The following RAPGEF2 variants were observed in gnomAD, a reference collection of about 807,000 sequenced individuals.
RAPGEF2 encodes the protein PDZ domain containing guanine nucleotide exchange factor (GEF) 1.
In RAPGEF2, 54 loss-of-function variants were observed where a neutral mutation model predicts 186.7. That is an observed-to-expected ratio of 0.29 (90% CI 0.23 to 0.36). The LOEUF (loss-of-function observed/expected upper bound fraction) is 0.36, where lower values mean the gene tolerates loss of function less well. Among genes scored for constraint, RAPGEF2 ranks in the 10% least tolerant of loss-of-function variants. The pLI is 1.00. For synonymous variants in RAPGEF2, 712 were observed against 705.9 expected (o/e 1.01, Z -0.14); for missense variants, 1,532 against 2,045.0 (o/e 0.75, Z 4.84).
intron 3 of RAPGEF2, among the ~76,000 whole-genome samples, chr4:159,198,118 C>T (rs2111330578): frequency 6.6e-6 from 1 of 152,124 alleles, no homozygotes; most frequent in East Asian, 1.9e-4. Context: ...CTTTACATCA[C>T]AGTAAATTGT....
chr4:159,344,209 CTTCAAG>C, intron 23 of RAPGEF2, 150 bp downstream of exon 23: 1 of 761,048 alleles, frequency 1.3e-6, no homozygotes, highest in Non-Finnish European at 2.2e-6. Context: ...GGCAAATTGA[CTTCAAG>C]TTTAATCTGT....
chr4:159,240,582 C>T (rs1753859860), intron 5 of RAPGEF2, among the ~76,000 whole-genome samples: 1 of 151,950 alleles, frequency 6.6e-6, no homozygotes, highest in Non-Finnish European at 1.5e-5. Context: ...ATCCACCCGC[C>T]TCGGCCTCCC....
chr4:159,252,565 G>A (rs973274050), intron 7 of RAPGEF2, among the ~76,000 whole-genome samples: 4 of 152,222 alleles, frequency 2.6e-5, no homozygotes, highest in African/African-American at 9.6e-5. Flanking sequence ...TGACGGCTCA[G>A]TTTAAAAATT....
In RAPGEF2 at chr4:159,334,242, G is replaced by A. The variant is rs564089477; in HGVS notation, c.2135+1545G>A. On this transcript the variant is annotated intron_variant, in intron 17 of 29. Transcript: ENST00000691494. ...TGAAAAAATAAATTACCTAAATGCAGATTTTTTAAATTAATTTATTTTTTT... is the reference window on the plus strand; with the variant it reads ...TGAAAAAATAAATTACCTAAATGCAAATTTTTTAAATTAATTTATTTTTTT... 3.3e-5 allele frequency among the ~76,000 whole-genome samples: 5 copies of A among 152,262 alleles called. No homozygotes were observed. In the South Asian group the frequency reaches 1.0e-3, roughly 32 times the overall value.
intron 4 of RAPGEF2, among the ~76,000 whole-genome samples, chr4:159,238,475 A>G (rs1278368646): frequency 6.6e-6 from 1 of 152,198 alleles, no homozygotes; most frequent in African/African-American, 2.4e-5. Context: ...GACATTTCCC[A>G]TCCCTACTGG....
At chr4:159,136,278 G>A (rs1217448208) in intron 1 of RAPGEF2, among the ~76,000 whole-genome samples, 2 of 152,180 alleles carry the variant, frequency 1.3e-5, no homozygotes, top group Non-Finnish European at 2.9e-5. Flanking sequence ...TAGTAGCAGA[G>A]TCATTATTCG....
rs771785670 is a variant in RAPGEF2 at position 159,241,332 on chromosome 4, C to T, written c.489C>T (p.Pro163=). ...TTATTGACACTGTGGATCCTTATCCCATGGGCAAACCTCCTTTGCCTAGAG... is the reference window on the plus strand; with the variant it reads ...TTATTGACACTGTGGATCCTTATCCTATGGGCAAACCTCCTTTGCCTAGAG... ...QTIIDTVDPY[P]MGKPPLPRGY... The change falls in exon 6 of 30, where the codon CCC becomes CCT. Residue 163 remains proline, a synonymous_variant. Transcript: ENST00000691494. The T allele has an allele frequency of 2.3e-5, 35 of 1,521,068 alleles. No individual in the cohort carries two copies. Among genetic ancestry groups the T allele is most frequent in the Middle Eastern group, 1.7e-4 (1 of 5,960 alleles). The allele number at this position is 1,521,068 out of a possible 1,614,324, so 94.2% of individuals were successfully genotyped here. A position where few individuals can be genotyped will look rare whatever the true frequency, so the allele number is the denominator to read the frequency against.
At chr4:159,292,349 A>G (rs984524781) in intron 7 of RAPGEF2, among the ~76,000 whole-genome samples, 1 of 152,116 alleles carries the variant, frequency 6.6e-6, no homozygotes, top group Non-Finnish European at 1.5e-5. Context: ...TGCTACTCCC[A>G]TGTGCTTCTG....
chr4:159,143,189 C>T (rs1742536770), intron 1 of RAPGEF2, among the ~76,000 whole-genome samples: 1 of 151,940 alleles, frequency 6.6e-6, no homozygotes, highest in Non-Finnish European at 1.5e-5. Context: ...ATGATCGCTC[C>T]TCTGCATAGC....
intron 1 of RAPGEF2, among the ~76,000 whole-genome samples, chr4:159,127,394 C>T (rs572092817): frequency 6.6e-6 from 1 of 152,100 alleles, no homozygotes; most frequent in Non-Finnish European, 1.5e-5. Context: ...TTATCAGTAC[C>T]CCACAAAAAA....
intron 1 of RAPGEF2, among the ~76,000 whole-genome samples, chr4:159,106,224 A>C (rs1411428951): frequency 6.6e-6 from 1 of 152,234 alleles, no homozygotes; most frequent in East Asian, 1.9e-4. Context: ...AAACATAAGG[A>C]AACCTACCAA....
At chr4:159,268,824 T>C (rs1332118227) in intron 7 of RAPGEF2, among the ~76,000 whole-genome samples, 1 of 152,156 alleles carries the variant, frequency 6.6e-6, no homozygotes, top group Non-Finnish European at 1.5e-5. Flanking sequence ...GAGAAAGACT[T>C]TTCTATGCCT....
At chr4:159,144,154 A>G (rs1243936888) in intron 1 of RAPGEF2, among the ~76,000 whole-genome samples, 1 of 151,648 alleles carries the variant, frequency 6.6e-6, no homozygotes, top group East Asian at 1.9e-4. Context: ...CCATGTTTTT[A>G]ATTCCTTTAC....
At chr4:159,113,538 C>G (rs1018509955) in intron 1 of RAPGEF2, among the ~76,000 whole-genome samples, 2 of 151,832 alleles carry the variant, frequency 1.3e-5, no homozygotes, top group Admixed American at 1.3e-4. Context: ...GTCGGGAATT[C>G]GAGTTGAGCC....
chr4:159,215,161 TTTG>T (rs546944739), intron 4 of RAPGEF2, among the ~76,000 whole-genome samples: 377 of 146,868 alleles, frequency 2.6e-3, no homozygotes, highest in African/African-American at 8.4e-3. Context: ...CTGCCAGTTT[TTTG>T]TTGTTGTTGT....
intron 4 of RAPGEF2, among the ~76,000 whole-genome samples, chr4:159,229,725 T>C (rs1752416299): frequency 6.6e-6 from 1 of 152,254 alleles, no homozygotes; most frequent in Non-Finnish European, 1.5e-5. Flanking sequence ...TTCTTAATTT[T>C]TAAATTGTTT....
intron 7 of RAPGEF2, among the ~76,000 whole-genome samples, chr4:159,250,800 G>A (rs1246452859): frequency 6.6e-6 from 1 of 151,234 alleles, no homozygotes; most frequent in African/African-American, 2.4e-5. Flanking sequence ...TCGGCGCCTC[G>A]GCCTCGGCAT....
intron 7 of RAPGEF2, among the ~76,000 whole-genome samples, chr4:159,254,578 A>C (rs1755902980): frequency 6.6e-6 from 1 of 150,498 alleles, no homozygotes; most frequent in African/African-American, 2.5e-5. Flanking sequence ...CAAGTCCAAA[A>C]TCTGTACCTA....
chr4:159,306,257 A>G (rs945224856), intron 8 of RAPGEF2, among the ~76,000 whole-genome samples: 8 of 152,106 alleles, frequency 5.3e-5, no homozygotes, highest in African/African-American at 1.7e-4. Flanking sequence ...CTTTCAATCC[A>G]TGAGCATGGG....
Sources: gnomAD v4.1 joint callset for allele counts (sites outside exome capture counted in the v4.1 genomes callset) on GRCh38, gnomAD v4.1.1 for gene constraint, MANE v1.5 for transcripts, NCBI Gene and HGNC (gene_info 2026-07-23, HGNC 2026-07-21) for gene names.